ROR2: variants seen among roughly 807,000 people sequenced by gnomAD.
The protein encoded by ROR2 is ROR family WNT receptor 2.
ROR2 carries 33 observed loss-of-function variants against 74.9 expected under a neutral mutation model. That is an observed-to-expected ratio of 0.44 (90% CI 0.33 to 0.59). ROR2 has a LOEUF of 0.59. ROR2 is among the 20% of genes least tolerant of loss of function. ROR2 has a pLI of 0.02. For missense variants in ROR2, 1,216 were observed against 1,313.8 expected (o/e 0.93, Z 1.15); for synonymous variants, 586 against 558.7 (o/e 1.05, Z -0.69).
chr9:91,908,228 C>A (rs770255726), intron 1 of ROR2, among the ~76,000 whole-genome samples: 16 of 152,100 alleles, frequency 1.1e-4, no homozygotes, highest in Non-Finnish European at 1.9e-4. Context: ...AGGAAGGGCT[C>A]CAAGGGAGAC....
intron 2 of ROR2, among the ~76,000 whole-genome samples, chr9:91,770,820 A>C (rs984776704): frequency 1.3e-5 from 2 of 152,172 alleles, no homozygotes; most frequent in Non-Finnish European, 2.9e-5. Flanking sequence ...TCTATGTTAA[A>C]CCTAACAAAC....
chr9:91,920,835 A>G lies in ROR2; in HGVS notation c.97+29032T>C, dbSNP rs533923724. ...GCACAAAGAAAGATCTGAAGTGAAC[A>G]TAATTTAATTAATGTGGCCCCAGGC... is the stretch of plus-strand genomic sequence containing the variant. On this transcript the variant is annotated intron_variant, in intron 1 of 8. Coordinates refer to ENST00000375708, the MANE Select transcript of ROR2 (RefSeq NM_004560.4). Among the ~76,000 whole-genome samples, 4 of 152,380 alleles carry G rather than the reference A, an allele frequency of 2.6e-5. No homozygotes were observed. In the South Asian group the frequency reaches 8.3e-4, roughly 32 times the overall value.
rs34963566 is a variant in ROR2 at position 91,830,809 on chromosome 9, C to CGTGTGTGTGTGT, written c.98-55003_98-54992dup. 4.4e-3 allele frequency among the ~76,000 whole-genome samples: 620 copies of CGTGTGTGTGTGT among 139,670 alleles called. 4 individuals are homozygous for CGTGTGTGTGTGT. The highest frequency in any genetic ancestry group is 0.017 in the Admixed American group (232 of 13,826). 91.6% of individuals were successfully genotyped at this position (139,670 alleles called of 152,430 possible). A position where few individuals can be genotyped will look rare whatever the true frequency, so the allele number is the denominator to read the frequency against. On this transcript the variant is annotated intron_variant, in intron 1 of 8. Coordinates refer to ENST00000375708, the MANE Select transcript of ROR2 (RefSeq NM_004560.4). ...TTTACCAAAACTAAATAACTGTGTC[C>CGTGTGTGTGTGT]GTGTGTGTGTGTGTGTGTGTGTGTG...
chr9:91,875,034 T>C (rs1379716556), intron 1 of ROR2, among the ~76,000 whole-genome samples: 1 of 152,152 alleles, frequency 6.6e-6, no homozygotes, highest in Non-Finnish European at 1.5e-5. Flanking sequence ...TAACGGACAC[T>C]TACATGATCT....
chr9:91,891,896 A>C (rs1455879399), intron 1 of ROR2, among the ~76,000 whole-genome samples: 1 of 152,014 alleles, frequency 6.6e-6, no homozygotes, highest in Non-Finnish European at 1.5e-5. Flanking sequence ...AAAAATACAA[A>C]AATTAGCCAG....
chr9:91,794,648 G>A (rs1827111275), intron 1 of ROR2, among the ~76,000 whole-genome samples: 4 of 151,854 alleles, frequency 2.6e-5, no homozygotes, highest in African/African-American at 7.3e-5. Flanking sequence ...GTGCAGTGGC[G>A]TGATCTTGGC....
rs115133139 is a variant in ROR2 at position 91,876,956 on chromosome 9, C to T, written c.97+72911G>A. On this transcript the variant is annotated intron_variant, in intron 1 of 8. Transcript: ENST00000375708. ...AAAAGGGCCAAGCCACAACTGAGAA[C>T]GAACAAAAGACATGCACATTTAACA... is the stretch of plus-strand genomic sequence containing the variant. 1.6e-3 allele frequency among the ~76,000 whole-genome samples: 237 copies of T among 152,164 alleles called. 1 individual carries two copies. Among genetic ancestry groups the T allele is most frequent in the African/African-American group, 5.4e-3 (223 of 41,520 alleles).
chr9:91,885,033 C>T (rs1830231912), intron 1 of ROR2, among the ~76,000 whole-genome samples: 1 of 152,184 alleles, frequency 6.6e-6, no homozygotes, highest in Non-Finnish European at 1.5e-5. Context: ...GCTAACAAGC[C>T]TGTGTGTGGC....
At chr9:91,935,893 C>A (rs750358501) in intron 1 of ROR2, among the ~76,000 whole-genome samples, 18 of 152,356 alleles carry the variant, frequency 1.2e-4, no homozygotes, top group Middle Eastern at 3.4e-3. Context: ...GGACAGGATG[C>A]ACAGAGGTGC....
intron 5 of ROR2, among the ~76,000 whole-genome samples, chr9:91,735,780 C>A (rs1825003740): frequency 6.6e-6 from 1 of 151,908 alleles, no homozygotes; most frequent in African/African-American, 2.4e-5. Context: ...CCATGCCCAG[C>A]TAATTTTTTG....
Position 91,825,750 on chromosome 9 carries a change from A to G in ROR2, c.98-49932T>C, listed in dbSNP as rs112867096. 3.0e-3 allele frequency among the ~76,000 whole-genome samples: 457 copies of G among 152,264 alleles called. 4 individuals are homozygous for G. Among genetic ancestry groups the G allele is most frequent in the African/African-American group, 9.8e-3 (407 of 41,542 alleles). ...TGAACTATCACTTATTTTGCTGGAA[A>G]AAAAGTGGGGGAGGGTAGGATGGAC... is the stretch of plus-strand genomic sequence containing the variant. On this transcript the variant is annotated intron_variant, in intron 1 of 8. Coordinates refer to ENST00000375708, the MANE Select transcript of ROR2 (RefSeq NM_004560.4).
intron 3 of ROR2, among the ~76,000 whole-genome samples, chr9:91,756,848 T>C (rs1825768275): frequency 6.6e-6 from 1 of 150,502 alleles, no homozygotes; most frequent in East Asian, 2.0e-4. Context: ...CCTCCCAGGT[T>C]CAAGCGATTC....
At chr9:91,830,304 A>G (rs1263676333) in intron 1 of ROR2, among the ~76,000 whole-genome samples, 1 of 152,128 alleles carries the variant, frequency 6.6e-6, no homozygotes, top group African/African-American at 2.4e-5. Context: ...GTCTCTACAA[A>G]CGATAAAAAT....
chr9:91,724,912 G>C lies in ROR2; in HGVS notation c.1582C>G (p.Arg528Gly). The C allele has an allele frequency of 6.2e-7, 1 of 1,609,080 alleles. No individual in the cohort carries two copies. Among genetic ancestry groups the C allele is most frequent in the East Asian group, 2.2e-5 (1 of 44,742 alleles). ...ACGTTGGGGTGTTGCAGCCGTGCTCGCAGCATAGCCTCATGCCGGAACTCC... is the reference window on the plus strand; with the variant it reads ...ACGTTGGGGTGTTGCAGCCGTGCTCCCAGCATAGCCTCATGCCGGAACTCC... ...REEFRHEAML[R>G]ARLQHPNVVC... The change falls in exon 9 of 9, where the codon CGA becomes GGA. Residue 528 changes from arginine to glycine, a missense_variant. Physicochemically the swap from Arg to Gly is moderately radical, Grantham distance 125. Transcript: ENST00000375708.
chr9:91,776,186 G>A (rs533468632), intron 1 of ROR2, among the ~76,000 whole-genome samples: 2 of 152,146 alleles, frequency 1.3e-5, no homozygotes, highest in African/African-American at 2.4e-5. Context: ...GCCAGATGCC[G>A]CAGACTGCCC....
intron 1 of ROR2, among the ~76,000 whole-genome samples, chr9:91,841,937 G>C (rs945689884): frequency 6.6e-6 from 1 of 152,196 alleles, no homozygotes; most frequent in Non-Finnish European, 1.5e-5. Context: ...CCAAAGAAAA[G>C]ACAGAATGCC....
chr9:91,750,987 T>A (rs1564250609), intron 4 of ROR2, among the ~76,000 whole-genome samples: 1 of 152,166 alleles, frequency 6.6e-6, no homozygotes, highest in Non-Finnish European at 1.5e-5. Context: ...CTAGAAAACA[T>A]GAGGAAATAA....
At chr9:91,823,441 T>C (rs191508953) in intron 1 of ROR2, among the ~76,000 whole-genome samples, 1 of 150,642 alleles carries the variant, frequency 6.6e-6, no homozygotes, top group Non-Finnish European at 1.5e-5. Context: ...GCAATTCTCC[T>C]GCCTCAGCCT....
At chr9:91,920,610 C>T (rs1047991110) in intron 1 of ROR2, among the ~76,000 whole-genome samples, 2 of 152,206 alleles carry the variant, frequency 1.3e-5, no homozygotes, top group Non-Finnish European at 2.9e-5. Context: ...CATTTCACTC[C>T]TTCAGCAGGT....
Sources: allele counts gnomAD v4.1 joint callset (sites outside exome capture counted in the v4.1 genomes callset), GRCh38; gene constraint gnomAD v4.1.1; transcripts MANE v1.5; gene names NCBI Gene and HGNC (gene_info 2026-07-23, HGNC 2026-07-21).